The following GINS4 variants were observed in gnomAD, a reference collection of about 807,000 sequenced individuals.
The protein encoded by GINS4 is DNA replication complex GINS protein SLD5.
In GINS4, 20 loss-of-function variants were observed where a neutral mutation model predicts 31.1. That is an observed-to-expected ratio of 0.64 (90% CI 0.45 to 0.93). GINS4 has a LOEUF of 0.93. GINS4 is among the 40% of genes least tolerant of loss of function. The pLI is 0.00. For missense variants in GINS4, 245 were observed against 273.9 expected (o/e 0.89, Z 0.75); for synonymous variants, 85 against 97.9 (o/e 0.87, Z 0.78).
intron 4 of GINS4, among the ~76,000 whole-genome samples, chr8:41,538,196 A>G (rs1387002412): frequency 6.6e-6 from 1 of 152,176 alleles, no homozygotes; most frequent in Non-Finnish European, 1.5e-5. Flanking sequence ...AGTCTCCTCG[A>G]AGTCTTCTCT....
In GINS4 at chr8:41,542,334, A is replaced by G. The variant is rs1585625459; in HGVS notation, c.*247A>G. 2 of 469,542 alleles carry G rather than the reference A, an allele frequency of 4.3e-6. No individual in the cohort carries two copies. Among genetic ancestry groups the G allele is most frequent in the East Asian group, 7.9e-5 (2 of 25,418 alleles). 29.1% of individuals were successfully genotyped at this position (469,542 alleles called of 1,614,324 possible). A position where few individuals can be genotyped will look rare whatever the true frequency, so the allele number is the denominator to read the frequency against. Reference sequence around the variant, plus strand: ...GGGAGCAGGAGGTTGCAGTGAGCCGAGGTCGTGCCATTGCACTCCAGCCTG... The same window carrying G: ...GGGAGCAGGAGGTTGCAGTGAGCCGGGGTCGTGCCATTGCACTCCAGCCTG... On this transcript the variant is annotated 3_prime_UTR_variant, in exon 8 of 8. Coordinates refer to ENST00000276533, the MANE Select transcript of GINS4 (RefSeq NM_032336.3).
chr8:41,537,568 G>A (rs1252718402), intron 4 of GINS4: 2 of 343,670 alleles, frequency 5.8e-6, no homozygotes, highest in East Asian at 4.9e-5. Context: ...CAGCATGGCA[G>A]TGCTAAAGGG....
In GINS4 at chr8:41,539,644, A is replaced by G. The variant is rs147115006; in HGVS notation, c.298-34A>G. 447 of 1,450,688 alleles carry G rather than the reference A, an allele frequency of 3.1e-4. 5 individuals are homozygous for G. The African/African-American group carries it at 5.1e-3, about 16-fold the overall frequency. The allele number at this position is 1,450,688 out of a possible 1,614,324, so 89.9% of individuals were successfully genotyped here. A position where few individuals can be genotyped will look rare whatever the true frequency, so the allele number is the denominator to read the frequency against. On this transcript the variant is annotated intron_variant, in intron 4 of 7. Coordinates refer to ENST00000276533, the MANE Select transcript of GINS4 (RefSeq NM_032336.3). Reference sequence around the variant, plus strand: ...ACATCCTTCTCTTTGACTTTTGCCAATGTTTTCATGAAGATTTTGCTTTAT... The same window carrying G: ...ACATCCTTCTCTTTGACTTTTGCCAGTGTTTTCATGAAGATTTTGCTTTAT...
chr8:41,534,602 T>G (rs1806708709), intron 2 of GINS4, among the ~76,000 whole-genome samples: 1 of 152,234 alleles, frequency 6.6e-6, no homozygotes, highest in Non-Finnish European at 1.5e-5. Flanking sequence ...CACTATCATT[T>G]TCTTTGAATA....
chr8:41,537,233 AATGGAG>A lies in GINS4; in HGVS notation c.245_250del (p.Met82_Glu83del). ...AGGACCTGAAGGTCAGCATCCACCA[AATGGAG>A]ATGGAGAGGATCCGCTACGTCCTCA... On this transcript the variant is annotated inframe_deletion, in exon 4 of 8. Transcript: ENST00000276533. 6.2e-7 allele frequency: 1 copy of A among 1,614,076 alleles called. No individual in the cohort carries two copies. The highest frequency in any genetic ancestry group is 1.1e-5 in the South Asian group (1 of 91,070).
rs1363967705 is a variant in GINS4, at chr8:41,530,167, T to C, written c.-19-17T>C. On this transcript the variant is annotated splice_polypyrimidine_tract_variant and intron_variant, in intron 1 of 7. Transcript: ENST00000276533. ...AGAAAACGCATTGCAGAGTATTGGT[T>C]CTTTCCCTCTCATTAGGTTCCTGGT... is the stretch of plus-strand genomic sequence containing the variant. 1 of 1,430,650 alleles carries C rather than the reference T, an allele frequency of 7.0e-7. No individual in the cohort carries two copies. The highest frequency in any genetic ancestry group is 2.3e-5 in the East Asian group (1 of 44,010). The allele number at this position is 1,430,650 out of a possible 1,614,324, so 88.6% of individuals were successfully genotyped here. A position where few individuals can be genotyped will look rare whatever the true frequency, so the allele number is the denominator to read the frequency against.
chr8:41,537,504 C>T (rs569405712), intron 4 of GINS4: 9 of 498,206 alleles, frequency 1.8e-5, no homozygotes, highest in East Asian at 6.5e-5. Flanking sequence ...GCGGGGACAC[C>T]GCACACATTT....
rs780295189 is a variant in GINS4 at position 41,537,193 on chromosome 8, G to A, written c.197G>A (p.Arg66Lys). ...CTCATTTAATAGGAAGAAAATCTCAGGAGAGCCAAAAGGGAGGACCTGAAG... is the reference window on the plus strand; with the variant it reads ...CTCATTTAATAGGAAGAAAATCTCAAGAGAGCCAAAAGGGAGGACCTGAAG... ...EQLEHMEENL[R>K]RAKREDLKVS... Residue 66 changes from arginine to lysine, a missense_variant, in exon 4 of 8, where the codon AGG (arginine) becomes AAG (lysine). Transcript: ENST00000276533. 2 of 1,611,488 alleles carry A rather than the reference G, an allele frequency of 1.2e-6. No homozygotes were observed. The highest frequency in any genetic ancestry group is 2.7e-5 in the African/African-American group (2 of 74,872).
chr8:41,537,252 C>G lies in GINS4; in HGVS notation c.256C>G (p.Arg86Gly). The G allele has an allele frequency of 6.2e-7, 1 of 1,613,862 alleles. No individual in the cohort carries two copies. Reference sequence around the variant, plus strand: ...CCACCAAATGGAGATGGAGAGGATCCGCTACGTCCTCAGCAGCTACTTGCG... The same window carrying G: ...CCACCAAATGGAGATGGAGAGGATCGGCTACGTCCTCAGCAGCTACTTGCG... ...SIHQMEMERI[R>G]YVLSSYLRCR... The change falls in exon 4 of 8, where the codon CGC becomes GGC. Residue 86 changes from arginine to glycine, a missense_variant. Coordinates refer to ENST00000276533, the MANE Select transcript of GINS4 (RefSeq NM_032336.3).
chr8:41,530,133 C>G, intron 1 of GINS4, 51 bp from the exon 2 acceptor site: 1 of 1,156,838 alleles, frequency 8.6e-7, no homozygotes, highest in Non-Finnish European at 1.3e-6. Context: ...TCTGTTCTTG[C>G]AGATAATTAG....
chr8:41,541,674 G>C (rs1806843473), intron 6 of GINS4, 135 bp from the exon 7 acceptor site: 1 of 667,420 alleles, frequency 1.5e-6, no homozygotes, highest in African/African-American at 1.8e-5. Flanking sequence ...CACTCTGTCT[G>C]CATCTTTGAA....
intron 2 of GINS4, among the ~76,000 whole-genome samples, chr8:41,535,401 T>A (rs1290547433): frequency 6.6e-6 from 1 of 152,196 alleles, no homozygotes; most frequent in Non-Finnish European, 1.5e-5. Context: ...CTGCTCCTAA[T>A]AAGCCCTCCA....
Position 41,542,822 on chromosome 8 carries a change from T to G in GINS4, c.*735T>G, listed in dbSNP as rs915852265. The G allele has an allele frequency of 6.6e-6, 1 of 152,430 alleles. No homozygotes were observed. Among genetic ancestry groups the G allele is most frequent in the African/African-American group, 2.4e-5 (1 of 41,462 alleles). The allele number at this position is 152,430 out of a possible 1,614,324, so 9.4% of individuals were successfully genotyped here. ...CGTGAAGCGGAGCTCGAGGCAGGAT[T>G]GCTTGTGTTGCTGCATGTCCTGTCT... On this transcript the variant is annotated 3_prime_UTR_variant, in exon 8 of 8. Coordinates refer to ENST00000276533, the MANE Select transcript of GINS4 (RefSeq NM_032336.3).
rs1165075147 is a variant in GINS4, at chr8:41,544,693, A to G, written c.*2606A>G. The G allele has an allele frequency of 6.6e-6, 1 of 152,106 alleles. No individual in the cohort carries two copies. Among genetic ancestry groups the G allele is most frequent in the Non-Finnish European group, 1.5e-5 (1 of 68,038 alleles). 9.4% of individuals were successfully genotyped at this position (152,106 alleles called of 1,614,324 possible). On this transcript the variant is annotated 3_prime_UTR_variant, in exon 8 of 8. Transcript: ENST00000276533. ...TCAATTGAAAATGTTTCAAGAACAA[A>G]CCTGTTTGGTCATTTTATTGATATT... is the stretch of plus-strand genomic sequence containing the variant.
At chr8:41,538,078 T>G (rs889796536) in intron 4 of GINS4, 3 of 152,136 alleles carry the variant, frequency 2.0e-5, no homozygotes, top group African/African-American at 7.2e-5. Context: ...TGAGAAATTC[T>G]TACTTCCTTG....
intron 2 of GINS4, among the ~76,000 whole-genome samples, chr8:41,535,812 A>T (rs928257244): frequency 6.6e-6 from 1 of 152,220 alleles, no homozygotes. Flanking sequence ...GCCTGTTTCT[A>T]TTATGATCCT....
At chr8:41,537,125 G>A (rs111530178) in intron 3 of GINS4, 55 bp from the exon 4 acceptor site, 43 of 1,134,798 alleles carry the variant, frequency 3.8e-5, no homozygotes, top group South Asian at 1.4e-4. Flanking sequence ...CAACGTTGCC[G>A]GTGATGATGG....
In GINS4 at chr8:41,530,311, G is replaced by C. The variant is rs772107504; in HGVS notation, c.96+13G>C. The C allele has an allele frequency of 6.3e-6, 10 of 1,587,198 alleles. No individual in the cohort carries two copies. Among genetic ancestry groups the C allele is most frequent in the Admixed American group, 5.1e-5 (3 of 58,714 alleles). On this transcript the variant is annotated intron_variant, in intron 2 of 7. Coordinates refer to ENST00000276533, the MANE Select transcript of GINS4 (RefSeq NM_032336.3). Reference sequence around the variant, plus strand: ...AAGATTGGAGCAGGTAAGCATCCCAGATCGAATCCCTTTGCTCCAGTCAGC... The same window carrying C: ...AAGATTGGAGCAGGTAAGCATCCCACATCGAATCCCTTTGCTCCAGTCAGC...
Position 41,541,821 on chromosome 8 carries a change from A to G in GINS4, c.497A>G (p.Asp166Gly). ...GTTTTCCTGGCAGTTCCCAAACCAGATCTAGATTCTTACGTGTTTCTGAGA... is the reference window on the plus strand; with the variant it reads ...GTTTTCCTGGCAGTTCCCAAACCAGGTCTAGATTCTTACGTGTTTCTGAGA... ...VDLFRAVPKPDLDSYVFLRVR... is the reference protein window; with the variant it reads ...VDLFRAVPKPGLDSYVFLRVR... Residue 166 changes from aspartate to glycine, a missense_variant, in exon 7 of 8, where the codon GAT becomes GGT. By Grantham distance (94) the Asp-to-Gly change is moderately conservative. Transcript: ENST00000276533. The G allele has an allele frequency of 6.2e-7, 1 of 1,614,000 alleles. No homozygotes were observed.
Sources: gnomAD v4.1 joint callset for allele counts (sites outside exome capture counted in the v4.1 genomes callset) on GRCh38, gnomAD v4.1.1 for gene constraint, MANE v1.5 for transcripts, NCBI Gene and HGNC (gene_info 2026-07-23, HGNC 2026-07-21) for gene names.